Variants in NKAIN2 observed in about 807,000 individuals in gnomAD.
The protein encoded by NKAIN2 is sodium/potassium-transporting ATPase subunit beta-1-interacting protein 2.
In NKAIN2, 14 loss-of-function variants were observed where a neutral mutation model predicts 32.6. The ratio of observed to expected loss-of-function variants is 0.43; its 90% CI spans 0.28 to 0.67. The LOEUF is 0.67. NKAIN2 is among the 30% of genes least tolerant of loss of function. The pLI is 0.17. For missense variants in NKAIN2, 198 were observed against 258.3 expected (o/e 0.77, Z 1.60); for synonymous variants, 80 against 87.2 (o/e 0.92, Z 0.46).
intron 1 of NKAIN2, among the ~76,000 whole-genome samples, chr6:123,857,453 A>T (rs1049671618): frequency 6.6e-6 from 1 of 152,150 alleles, no homozygotes; most frequent in Non-Finnish European, 1.5e-5. Flanking sequence ...GTGTATAAAC[A>T]TGCAACTATG....
At chr6:124,549,663 G>C (rs1482914632) in intron 3 of NKAIN2, among the ~76,000 whole-genome samples, 1 of 152,164 alleles carries the variant, frequency 6.6e-6, no homozygotes, top group African/African-American at 2.4e-5. Context: ...ATCTGAGACA[G>C]GTTTTCAGTC....
chr6:124,815,214 C>CTATATATATA (rs1200227151), intron 5 of NKAIN2, among the ~76,000 whole-genome samples: 76 of 68,808 alleles, frequency 1.1e-3, no homozygotes, highest in Non-Finnish European at 2.0e-3. Flanking sequence ...CAGTCTTAAA[C>CTATATATATA]TATATATATA....
At chr6:124,100,863 G>T (rs60161130) in intron 1 of NKAIN2, among the ~76,000 whole-genome samples, 2,320 of 152,150 alleles carry the variant, frequency 0.015, 56 homozygotes, top group African/African-American at 0.053. Flanking sequence ...TCACAAACTT[G>T]CCCAGAGGCA....
At chr6:124,354,936 G>T (rs1798901603) in intron 2 of NKAIN2, among the ~76,000 whole-genome samples, 1 of 151,148 alleles carries the variant, frequency 6.6e-6, no homozygotes, top group South Asian at 2.1e-4. Flanking sequence ...TGGGTGTGGT[G>T]GTGCGCACCT....
rs111618883 is a variant in NKAIN2, at chr6:123,857,780, A to G, written c.54+53526A>G. On this transcript the variant is annotated intron_variant, in intron 1 of 6. Coordinates refer to ENST00000368417, the MANE Select transcript of NKAIN2 (RefSeq NM_001040214.3). ...AAGCAGAACACTATCGATTGTATTCATCAGGCACACTGCAGGCCAGAAGAT... is the reference window on the plus strand; with the variant it reads ...AAGCAGAACACTATCGATTGTATTCGTCAGGCACACTGCAGGCCAGAAGAT... Among the ~76,000 whole-genome samples the G allele has an allele frequency of 8.7e-4, 132 of 152,238 alleles. 1 individual carries two copies. Among genetic ancestry groups the G allele is most frequent in the African/African-American group, 3.1e-3 (128 of 41,580 alleles).
intron 1 of NKAIN2, among the ~76,000 whole-genome samples, chr6:123,848,440 A>G (rs1167433864): frequency 1.3e-5 from 2 of 152,182 alleles, no homozygotes; most frequent in East Asian, 1.9e-4. Context: ...GGTTGTCCTC[A>G]TGCTGGTCTC....
chr6:124,807,205 C>T (rs997925976), intron 5 of NKAIN2, among the ~76,000 whole-genome samples: 1 of 152,116 alleles, frequency 6.6e-6, no homozygotes, highest in South Asian at 2.1e-4. Flanking sequence ...AGCACTACAC[C>T]ACACCTATTC....
At chr6:124,167,589 C>A (rs1198367680) in intron 1 of NKAIN2, among the ~76,000 whole-genome samples, 7 of 152,144 alleles carry the variant, frequency 4.6e-5, no homozygotes, top group Admixed American at 4.6e-4. Context: ...GCATCCCTGT[C>A]TTGTGCCAGT....
intron 3 of NKAIN2, among the ~76,000 whole-genome samples, chr6:124,457,517 C>T (rs1018036685): frequency 5.3e-5 from 8 of 151,886 alleles, no homozygotes; most frequent in African/African-American, 1.9e-4. Context: ...CAGAACTTCT[C>T]ATAAAAATTA....
intron 1 of NKAIN2, among the ~76,000 whole-genome samples, chr6:123,878,116 C>G (rs1210620739): frequency 6.6e-6 from 1 of 151,968 alleles, no homozygotes; most frequent in South Asian, 2.1e-4. Flanking sequence ...ATCCCAGCTA[C>G]TCAGTAGGCT....
At chr6:123,949,433 G>A (rs1777223978) in intron 1 of NKAIN2, among the ~76,000 whole-genome samples, 1 of 152,080 alleles carries the variant, frequency 6.6e-6, no homozygotes, top group Non-Finnish European at 1.5e-5. Flanking sequence ...TGATCCGTGA[G>A]CATAGTATGG....
At chr6:124,429,560 G>A (rs1426885882) in intron 3 of NKAIN2, among the ~76,000 whole-genome samples, 1 of 151,968 alleles carries the variant, frequency 6.6e-6, no homozygotes, top group Non-Finnish European at 1.5e-5. Context: ...CCAAGACTGG[G>A]GTCATATTTT....
At position 124,603,209 on chromosome 6, in the gene NKAIN2, A is replaced by G. The variant is rs114452856; in HGVS notation, c.274-54977A>G. Among the ~76,000 whole-genome samples the G allele has an allele frequency of 4.0e-3, 605 of 152,096 alleles. 9 individuals carry two copies. The highest frequency in any genetic ancestry group is 0.013 in the African/African-American group (536 of 41,530). On this transcript the variant is annotated intron_variant, in intron 3 of 6. Coordinates refer to ENST00000368417, the MANE Select transcript of NKAIN2 (RefSeq NM_001040214.3). ...CAGCTTTTATTCACAAGATCTTATA[A>G]CTTCATGCATCCTAGTATTTTCCCT...
rs183478821 is a variant in NKAIN2 at position 124,287,061 on chromosome 6, A to G, written c.192+3919A>G. Among the ~76,000 whole-genome samples, 363 of 152,304 alleles carry G rather than the reference A, an allele frequency of 2.4e-3. 1 individual carries two copies. The highest frequency in any genetic ancestry group is 8.2e-3 in the African/African-American group (341 of 41,560). ...TTATCTTAATTTATGTAGATAATTT[A>G]ATAAAGACATTTACCTTTAAAACAT... is the stretch of plus-strand genomic sequence containing the variant. On this transcript the variant is annotated intron_variant, in intron 2 of 6. Transcript: ENST00000368417.
chr6:124,607,733 T>TGAA (rs1782550558), intron 3 of NKAIN2, among the ~76,000 whole-genome samples: 1 of 152,140 alleles, frequency 6.6e-6, no homozygotes, highest in South Asian at 2.1e-4. Flanking sequence ...GTTCACAACT[T>TGAA]ACAATGGTTC....
At chr6:124,032,945 C>A (rs1781467063) in intron 1 of NKAIN2, among the ~76,000 whole-genome samples, 1 of 151,748 alleles carries the variant, frequency 6.6e-6, no homozygotes, top group African/African-American at 2.4e-5. Context: ...GGATTTTGTT[C>A]TTTAAAAAAA....
At chr6:124,651,259 A>G (rs1445523984) in intron 3 of NKAIN2, among the ~76,000 whole-genome samples, 1 of 152,082 alleles carries the variant, frequency 6.6e-6, no homozygotes, top group South Asian at 2.1e-4. Flanking sequence ...CTCTCACAGG[A>G]TAGGGTGTCA....
At chr6:124,407,177 A>C (rs1011460412) in intron 3 of NKAIN2, among the ~76,000 whole-genome samples, 1 of 152,084 alleles carries the variant, frequency 6.6e-6, no homozygotes, top group Non-Finnish European at 1.5e-5. Context: ...ATTTAGGTTT[A>C]TGATTTATTC....
At chr6:123,905,461 G>C (rs1228373292) in intron 1 of NKAIN2, among the ~76,000 whole-genome samples, 1 of 152,106 alleles carries the variant, frequency 6.6e-6, no homozygotes, top group Admixed American at 6.5e-5. Flanking sequence ...CCTACCATCT[G>C]TTTCCATGGG....
Sources: allele counts gnomAD v4.1 joint callset (sites outside exome capture counted in the v4.1 genomes callset), GRCh38; gene constraint gnomAD v4.1.1; transcripts MANE v1.5; gene names NCBI Gene and HGNC (gene_info 2026-07-23, HGNC 2026-07-21).